KCNC2: variants seen among roughly 807,000 people sequenced by gnomAD.
KCNC2 encodes the protein potassium voltage-gated channel subfamily C member 2, also known as voltage-gated potassium channel KCNC2.
KCNC2 carries 21 observed loss-of-function variants against 44.5 expected under a neutral mutation model. That is an observed-to-expected ratio of 0.47 (90% confidence interval 0.33 to 0.68). The LOEUF (loss-of-function observed/expected upper bound fraction) is 0.68. Among genes scored for constraint, KCNC2 ranks in the 30% least tolerant of loss-of-function variants. The pLI, the probability that KCNC2 is intolerant of heterozygous loss-of-function variation, is 0.01. For synonymous variants in KCNC2, 391 were observed against 339.1 expected (o/e 1.15, Z -1.68); for missense variants, 589 against 826.2 (o/e 0.71, Z 3.52).
intron 2 of KCNC2, among the ~76,000 whole-genome samples, chr12:75,155,883 C>A (rs961413416): frequency 6.6e-6 from 1 of 151,678 alleles, no homozygotes; most frequent in East Asian, 2.0e-4. Context: ...CAGGGGATGA[C>A]AATTTGAAAT....
chr12:75,086,259 G>C (rs1356328707), intron 2 of KCNC2, among the ~76,000 whole-genome samples: 5 of 152,054 alleles, frequency 3.3e-5, no homozygotes, highest in Non-Finnish European at 5.9e-5. Context: ...CAGAAGTCTG[G>C]TTATTAGAAG....
chr12:75,125,485 A>G (rs879790123), intron 2 of KCNC2, among the ~76,000 whole-genome samples: 1 of 152,166 alleles, frequency 6.6e-6, no homozygotes, highest in African/African-American at 2.4e-5. Flanking sequence ...TCAGCAGAAG[A>G]TCCAAACCAA....
intron 2 of KCNC2, among the ~76,000 whole-genome samples, chr12:75,052,507 C>G (rs1046476891): frequency 1.3e-5 from 2 of 152,130 alleles, no homozygotes; most frequent in Non-Finnish European, 2.9e-5. Context: ...TGTGATAACA[C>G]TCAGGTTTAG....
intron 2 of KCNC2, among the ~76,000 whole-genome samples, chr12:75,154,687 T>C (rs999716763): frequency 6.6e-6 from 1 of 152,054 alleles, no homozygotes; most frequent in Non-Finnish European, 1.5e-5. Context: ...TCATGAAATA[T>C]GTGAGCTGGT....
chr12:75,059,200 T>C (rs1882056439), intron 2 of KCNC2, among the ~76,000 whole-genome samples: 1 of 152,156 alleles, frequency 6.6e-6, no homozygotes, highest in South Asian at 2.1e-4. Flanking sequence ...ATTGGCTGTG[T>C]AATTGGAAGT....
At chr12:75,123,563 T>A (rs1164448004) in intron 2 of KCNC2, among the ~76,000 whole-genome samples, 1 of 152,170 alleles carries the variant, frequency 6.6e-6, no homozygotes, top group African/African-American at 2.4e-5. Context: ...TAGAGCAACA[T>A]CCTCTCTCCT....
chr12:75,042,316 A>T lies in KCNC2; in HGVS notation c.*789T>A, dbSNP rs753838715. 1 of 1,611,760 alleles carries T rather than the reference A, an allele frequency of 6.2e-7. No homozygotes were observed. Among genetic ancestry groups the T allele is most frequent in the Non-Finnish European group, 8.5e-7 (1 of 1,178,590 alleles). ...GTTTTGTGCCTTCCCCAAGTCATTA[A>T]GTAAGAGATCTGGCCTCGGCTTGCG... On this transcript the variant is annotated 3_prime_UTR_variant, in exon 5 of 5. Coordinates refer to ENST00000549446, the MANE Select transcript of KCNC2 (RefSeq NM_139137.4).
At chr12:75,194,436 G>T (rs1359170289) in intron 2 of KCNC2, among the ~76,000 whole-genome samples, 2 of 152,136 alleles carry the variant, frequency 1.3e-5, no homozygotes, top group Non-Finnish European at 2.9e-5. Flanking sequence ...ACCAGTAGAA[G>T]AAACCAAGCC....
chr12:75,208,368 C>G (rs1291443552), intron 1 of KCNC2, among the ~76,000 whole-genome samples: 1 of 151,638 alleles, frequency 6.6e-6, no homozygotes, highest in Non-Finnish European at 1.5e-5. Context: ...GCCCCTAACC[C>G]CCTCTCTGCC....
Position 75,042,734 on chromosome 12 carries a change from G to C in KCNC2, c.*371C>G. 8.7e-7 allele frequency: 1 copy of C among 1,155,462 alleles called. No individual in the cohort carries two copies. The highest frequency in any genetic ancestry group is 1.1e-6 in the Non-Finnish European group (1 of 937,660). 71.6% of individuals were successfully genotyped at this position (1,155,462 alleles called of 1,614,324 possible). A position where few individuals can be genotyped will look rare whatever the true frequency, so the allele number is the denominator to read the frequency against. The stretch of plus-strand genomic sequence containing the variant: ...CCAGACATCTTCAGAATGGTTTACA[G>C]TCACAAGAAATAAAGTTCCAATGAA... On this transcript the variant is annotated 3_prime_UTR_variant, in exon 5 of 5. Transcript: ENST00000549446.
intron 2 of KCNC2, among the ~76,000 whole-genome samples, chr12:75,185,231 T>A (rs1369931039): frequency 6.6e-6 from 1 of 152,178 alleles, no homozygotes; most frequent in Non-Finnish European, 1.5e-5. Context: ...ATAACAGTGA[T>A]AACGCAGGCT....
intron 2 of KCNC2, among the ~76,000 whole-genome samples, chr12:75,201,367 G>T (rs1417903661): frequency 7.0e-6 from 1 of 142,918 alleles, no homozygotes; most frequent in Non-Finnish European, 1.5e-5. Flanking sequence ...TGAACATGTC[G>T]TCCCTTCCTC....
chr12:75,198,201 A>G (rs1431316612), intron 2 of KCNC2, among the ~76,000 whole-genome samples: 1 of 151,880 alleles, frequency 6.6e-6, no homozygotes, highest in African/African-American at 2.4e-5. Context: ...GTATCAAATT[A>G]CAGTCAACAT....
intron 2 of KCNC2, among the ~76,000 whole-genome samples, chr12:75,170,186 T>C (rs1489048518): frequency 6.6e-6 from 1 of 151,714 alleles, no homozygotes; most frequent in Admixed American, 6.6e-5. Flanking sequence ...TAATTAGCAC[T>C]TTATGATTTT....
At chr12:75,088,958 C>T (rs1157289847) in intron 2 of KCNC2, among the ~76,000 whole-genome samples, 1 of 151,548 alleles carries the variant, frequency 6.6e-6, no homozygotes, top group African/African-American at 2.4e-5. Flanking sequence ...CCTCCACAGC[C>T]CCATAAAACA....
intron 2 of KCNC2, among the ~76,000 whole-genome samples, chr12:75,098,548 C>G (rs1359531617): frequency 1.3e-5 from 2 of 152,052 alleles, no homozygotes; most frequent in Non-Finnish European, 2.9e-5. Flanking sequence ...CACCTTAGGT[C>G]AGGAGTTTGA....
At chr12:75,146,232 G>T (rs570757652) in intron 2 of KCNC2, among the ~76,000 whole-genome samples, 1 of 152,192 alleles carries the variant, frequency 6.6e-6, no homozygotes, top group Non-Finnish European at 1.5e-5. Context: ...GAGATTACAG[G>T]CAACAACCTT....
chr12:75,112,826 G>T (rs1466893649), intron 2 of KCNC2, among the ~76,000 whole-genome samples: 2 of 151,858 alleles, frequency 1.3e-5, no homozygotes, highest in African/African-American at 4.8e-5. Context: ...ACCATACAAA[G>T]GATAAACACT....
chr12:75,041,475 G>T lies in KCNC2; in HGVS notation c.*1630C>A. 4 of 1,214,740 alleles carry T rather than the reference G, an allele frequency of 3.3e-6. No individual in the cohort carries two copies. Among genetic ancestry groups the T allele is most frequent in the South Asian group, 2.0e-5 (1 of 49,062 alleles). 75.2% of individuals were successfully genotyped at this position (1,214,740 alleles called of 1,614,324 possible). A position where few individuals can be genotyped will look rare whatever the true frequency, so the allele number is the denominator to read the frequency against. ...TAACAAAAAATAAACATGAGAAATA[G>T]GAATTAATCAGCAGTCTCAAGGCTC... On this transcript the variant is annotated 3_prime_UTR_variant, in exon 5 of 5. Coordinates refer to ENST00000549446, the MANE Select transcript of KCNC2 (RefSeq NM_139137.4).
Sources: gnomAD v4.1 joint callset for allele counts (sites outside exome capture counted in the v4.1 genomes callset) on GRCh38, gnomAD v4.1.1 for gene constraint, MANE v1.5 for transcripts, NCBI Gene and HGNC (gene_info 2026-07-23, HGNC 2026-07-21) for gene names.